Variants in ATRNL1 observed in about 807,000 individuals in gnomAD.
ATRNL1 encodes the protein attractin-like protein 1.
Under a neutral mutation model 182.7 loss-of-function variants are expected in ATRNL1, and 95 were observed. The ratio of observed to expected loss-of-function variants is 0.52; its 90% CI spans 0.44 to 0.62. ATRNL1 has a LOEUF of 0.62. Among genes scored for constraint, ATRNL1 ranks in the 20% least tolerant of loss-of-function variants. The pLI, the probability that ATRNL1 is intolerant of heterozygous loss-of-function variation, is 0.00. For missense variants in ATRNL1, 1,471 were observed against 1,679.5 expected (o/e 0.88, Z 2.17); for synonymous variants, 576 against 568.3 (o/e 1.01, Z -0.19).
At chr10:115,144,615 A>G (rs1845897593) in intron 5 of ATRNL1, among the ~76,000 whole-genome samples, 1 of 152,140 alleles carries the variant, frequency 6.6e-6, no homozygotes, top group South Asian at 2.1e-4. Context: ...TAGCATGAAT[A>G]TTTCTTAATG....
chr10:115,650,596 A>C (rs1859926595), intron 26 of ATRNL1, among the ~76,000 whole-genome samples: 1 of 152,068 alleles, frequency 6.6e-6, no homozygotes, highest in Admixed American at 6.6e-5. Flanking sequence ...AAAGCTGACC[A>C]TGTTGATTTA....
intron 8 of ATRNL1, among the ~76,000 whole-genome samples, chr10:115,194,967 CAA>C (rs1848305473): frequency 6.6e-6 from 1 of 151,670 alleles, no homozygotes; most frequent in Non-Finnish European, 1.5e-5. Context: ...AAAAACAAAA[CAA>C]ATAAGCAAAT....
At chr10:115,370,123 G>T (rs1213823039) in intron 19 of ATRNL1, among the ~76,000 whole-genome samples, 1 of 152,158 alleles carries the variant, frequency 6.6e-6, no homozygotes, top group Non-Finnish European at 1.5e-5. Flanking sequence ...TGTGAGATGT[G>T]CCTTTCACAT....
At chr10:115,912,897 C>A (rs1010936609) in intron 28 of ATRNL1, among the ~76,000 whole-genome samples, 3 of 152,172 alleles carry the variant, frequency 2.0e-5, no homozygotes, top group Non-Finnish European at 2.9e-5. Flanking sequence ...AGGACCAGAC[C>A]TGGCTGCCAC....
intron 24 of ATRNL1, among the ~76,000 whole-genome samples, chr10:115,483,797 A>G (rs1326896851): frequency 6.6e-6 from 1 of 151,654 alleles, no homozygotes; most frequent in East Asian, 1.9e-4. Flanking sequence ...ATGCTAGGTC[A>G]ATGTTTTTGA....
chr10:115,245,430 T>C (rs186065939), intron 10 of ATRNL1, among the ~76,000 whole-genome samples: 1,717 of 133,410 alleles, frequency 0.013, 32 homozygotes, highest in African/African-American at 0.045. Context: ...ACCCTGGAGG[T>C]GGAGGTTTCA....
intron 5 of ATRNL1, among the ~76,000 whole-genome samples, chr10:115,153,039 A>G (rs1231240539): frequency 6.6e-6 from 1 of 152,074 alleles, no homozygotes; most frequent in Admixed American, 6.6e-5. Context: ...GCATATGTTG[A>G]ACTAGCCTTG....
intron 28 of ATRNL1, among the ~76,000 whole-genome samples, chr10:115,896,556 C>G (rs1952214213): frequency 6.6e-6 from 1 of 151,982 alleles, no homozygotes; most frequent in Non-Finnish European, 1.5e-5. Context: ...AATGAAAAGT[C>G]TAATGGAGTG....
At chr10:115,510,270 T>C (rs1261646803) in intron 24 of ATRNL1, among the ~76,000 whole-genome samples, 1 of 152,084 alleles carries the variant, frequency 6.6e-6, no homozygotes, top group Non-Finnish European at 1.5e-5. Context: ...GATTTGAGGA[T>C]TGACTCCAAT....
intron 26 of ATRNL1, among the ~76,000 whole-genome samples, chr10:115,717,533 G>A (rs1359403220): frequency 1.5e-5 from 2 of 137,226 alleles, no homozygotes; most frequent in Non-Finnish European, 3.1e-5. Context: ...TGATTTTCCC[G>A]CTGCCTGAAA....
Position 115,389,532 on chromosome 10 carries a change from GTGTA to G in ATRNL1, c.3176-5123_3176-5120del, listed in dbSNP as rs1402330152. Reference sequence around the variant, plus strand: ...AAAAAAAGCTGAATAGTATTCAAATGTGTATGTGTATATATATATATATATATAT... The same window carrying G: ...AAAAAAAGCTGAATAGTATTCAAATGTGTGTATATATATATATATATATAT... On this transcript the variant is annotated intron_variant, in intron 19 of 28. Transcript: ENST00000355044. Among the ~76,000 whole-genome samples the G allele has an allele frequency of 1.3e-3, 79 of 60,346 alleles. 4 individuals are homozygous for G. The highest frequency in any genetic ancestry group is 4.4e-3 in the African/African-American group (67 of 15,156). 39.6% of individuals were successfully genotyped at this position (60,346 alleles called of 152,430 possible).
chr10:115,212,611 T>C (rs1173146104), intron 8 of ATRNL1, among the ~76,000 whole-genome samples: 2 of 152,092 alleles, frequency 1.3e-5, no homozygotes, highest in Non-Finnish European at 2.9e-5. Flanking sequence ...TGCCCATCAA[T>C]GATAGACTGA....
At chr10:115,525,955 C>G (rs529874687) in intron 25 of ATRNL1, among the ~76,000 whole-genome samples, 13 of 152,240 alleles carry the variant, frequency 8.5e-5, no homozygotes, top group Non-Finnish European at 1.6e-4. Flanking sequence ...TCTTTCGTAT[C>G]AGGCTCAGTT....
At chr10:115,291,005 C>T (rs1189172248) in intron 15 of ATRNL1, among the ~76,000 whole-genome samples, 1 of 152,192 alleles carries the variant, frequency 6.6e-6, no homozygotes, top group Non-Finnish European at 1.5e-5. Flanking sequence ...ACATGCCTGG[C>T]CCCCAGGTAG....
intron 18 of ATRNL1, among the ~76,000 whole-genome samples, chr10:115,323,357 T>C (rs551596425): frequency 3.9e-5 from 6 of 151,990 alleles, no homozygotes; most frequent in African/African-American, 1.4e-4. Context: ...ATTCTCTATT[T>C]GATGAGACAT....
chr10:115,671,128 G>A (rs1287762859), intron 26 of ATRNL1, among the ~76,000 whole-genome samples: 1 of 152,118 alleles, frequency 6.6e-6, no homozygotes, highest in Non-Finnish European at 1.5e-5. Context: ...GTGAAACACA[G>A]GCTGCATTTG....
intron 27 of ATRNL1, among the ~76,000 whole-genome samples, chr10:115,753,838 T>C (rs150137009): frequency 0.026 from 3,965 of 152,298 alleles, 187 homozygotes; most frequent in African/African-American, 0.089. Context: ...CTAGCATCTG[T>C]TGTTTCCTGA....
At chr10:115,721,641 C>G (rs1442557632) in intron 26 of ATRNL1, among the ~76,000 whole-genome samples, 1 of 152,132 alleles carries the variant, frequency 6.6e-6, no homozygotes, top group East Asian at 1.9e-4. Flanking sequence ...ACGGGAAAGA[C>G]CAGCCCCCAT....
At chr10:115,226,075 G>A (rs1849681415) in intron 9 of ATRNL1, among the ~76,000 whole-genome samples, 2 of 151,704 alleles carry the variant, frequency 1.3e-5, no homozygotes, top group Admixed American at 6.6e-5. Context: ...CAAAGACAGG[G>A]AAATAGACTA....
Sources: gnomAD v4.1 joint callset for allele counts (sites outside exome capture counted in the v4.1 genomes callset) on GRCh38, gnomAD v4.1.1 for gene constraint, MANE v1.5 for transcripts, NCBI Gene and HGNC (gene_info 2026-07-23, HGNC 2026-07-21) for gene names.